The following KANK1 variants were observed in gnomAD, a reference collection of about 807,000 sequenced individuals.
The protein encoded by KANK1 is KN motif and ankyrin repeat domains 1.
KANK1 carries 109 observed loss-of-function variants against 106.2 expected under a neutral mutation model. That is an observed-to-expected ratio of 1.03 (90% CI 0.88 to 1.20). The LOEUF (loss-of-function observed/expected upper bound fraction) is 1.20. Ranked by LOEUF, KANK1 falls within the 50% of genes most tolerant of loss-of-function variation. The pLI is 0.00. For synonymous variants in KANK1, 873 were observed against 652.2 expected (o/e 1.34, Z -5.16); for missense variants, 2,399 against 1,710.7 (o/e 1.40, Z -7.10).
intron 1 of KANK1, among the ~76,000 whole-genome samples, chr9:658,304 G>A (rs545534061): frequency 6.6e-6 from 1 of 151,996 alleles, no homozygotes; most frequent in South Asian, 2.1e-4. Context: ...TTTTAACTTA[G>A]AAGAAAACCT....
intron 2 of KANK1, among the ~76,000 whole-genome samples, chr9:691,753 A>G (rs1189987739): frequency 5.4e-5 from 8 of 149,490 alleles, no homozygotes; most frequent in Non-Finnish European, 1.0e-4. Context: ...AACTGAGACT[A>G]CAGGGGCAAG....
chr9:553,844 T>C (rs1411434899), intron 1 of KANK1, among the ~76,000 whole-genome samples: 1 of 152,140 alleles, frequency 6.6e-6, no homozygotes, highest in Non-Finnish European at 1.5e-5. Flanking sequence ...TTAATGGAAA[T>C]TAAACCCAAA....
chr9:666,614 T>A (rs1353191236), intron 1 of KANK1, among the ~76,000 whole-genome samples: 1 of 152,134 alleles, frequency 6.6e-6, no homozygotes, highest in Non-Finnish European at 1.5e-5. Flanking sequence ...TGAGGTATGT[T>A]TCCTCTGTAC....
intron 1 of KANK1, among the ~76,000 whole-genome samples, chr9:505,653 G>A (rs2058719949): frequency 6.6e-6 from 1 of 152,250 alleles, no homozygotes; most frequent in African/African-American, 2.4e-5. Flanking sequence ...CCTAGTGAAG[G>A]CCTTGGGCGA....
intron 3 of KANK1, among the ~76,000 whole-genome samples, chr9:725,463 C>G (rs978831136): frequency 1.4e-5 from 2 of 147,260 alleles, no homozygotes; most frequent in Non-Finnish European, 1.5e-5. Context: ...ACAGCCCTCA[C>G]TCCAGCCTGG....
intron 1 of KANK1, among the ~76,000 whole-genome samples, chr9:587,823 T>C (rs1294305024): frequency 6.6e-6 from 1 of 152,170 alleles, no homozygotes; most frequent in East Asian, 1.9e-4. Flanking sequence ...GCCAGCACTT[T>C]AGGAGGCCAA....
intron 1 of KANK1, among the ~76,000 whole-genome samples, chr9:642,252 A>G (rs1310203874): frequency 6.6e-6 from 1 of 151,412 alleles, no homozygotes; most frequent in Admixed American, 6.6e-5. Context: ...GTCGTAGAAT[A>G]AATGAGTCTG....
chr9:528,951 C>T (rs1587537618), intron 1 of KANK1, among the ~76,000 whole-genome samples: 1 of 152,144 alleles, frequency 6.6e-6, no homozygotes, highest in East Asian at 1.9e-4. Context: ...AGGTGCATAC[C>T]ACCACGTCCA....
intron 2 of KANK1, among the ~76,000 whole-genome samples, chr9:694,973 A>C (rs1820881615): frequency 6.6e-6 from 1 of 152,172 alleles, no homozygotes; most frequent in Non-Finnish European, 1.5e-5. Flanking sequence ...TCTAGTCGAC[A>C]GTTACTCATA....
chr9:730,403 C>T (rs146672808), intron 4 of KANK1, 155 bp downstream of exon 4: 2 of 828,316 alleles, frequency 2.4e-6, no homozygotes, highest in African/African-American at 3.4e-5. Context: ...AATAAGGTTA[C>T]CAAAGAGGCC....
chr9:645,296 A>C (rs1294149216), intron 1 of KANK1, among the ~76,000 whole-genome samples: 1 of 147,986 alleles, frequency 6.8e-6, no homozygotes, highest in African/African-American at 2.6e-5. Context: ...AAAAATTAGC[A>C]AGCCATGGTG....
intron 1 of KANK1, among the ~76,000 whole-genome samples, chr9:623,197 G>A (rs764493914): frequency 8.6e-5 from 13 of 151,812 alleles, no homozygotes; most frequent in Non-Finnish European, 1.2e-4. Context: ...CGAGAAACTC[G>A]TACAACTCAA....
Position 712,623 on chromosome 9 carries a change from C to G in KANK1, c.1857C>G (p.Asn619Lys). The change falls in exon 3 of 12, where the codon AAC becomes AAG. Residue 619 changes from asparagine to lysine, a missense_variant. Physicochemically the swap from Asn to Lys is moderately conservative, Grantham distance 94 (BLOSUM62 0). Transcript: ENST00000382297. ...ACGACCTCACACTCCTCAAGACAAA[C>G]TTGAATCTCAAAGAAGTGCGGTCTA... The part of the protein sequence containing the change: ...SVNDLTLLKT[N>K]LNLKEVRSIG... The G allele has an allele frequency of 6.2e-7, 1 of 1,614,194 alleles. No individual in the cohort carries two copies. Among genetic ancestry groups the G allele is most frequent in the Non-Finnish European group, 8.5e-7 (1 of 1,180,040 alleles).
chr9:585,208 C>G (rs1048732098), intron 1 of KANK1, among the ~76,000 whole-genome samples: 4 of 152,204 alleles, frequency 2.6e-5, no homozygotes, highest in Non-Finnish European at 5.9e-5. Context: ...ACCCCTGGAG[C>G]TTCAACCATC....
At chr9:524,423 A>G (rs1287785638) in intron 1 of KANK1, among the ~76,000 whole-genome samples, 1 of 151,790 alleles carries the variant, frequency 6.6e-6, no homozygotes, top group Non-Finnish European at 1.5e-5. Context: ...CATTTATTAC[A>G]GAGATTTGTT....
At chr9:516,638 G>A (rs12343559) in intron 1 of KANK1, among the ~76,000 whole-genome samples, 31,358 of 151,262 alleles carry the variant, frequency 0.21, 4,719 homozygotes, top group African/African-American at 0.4. Context: ...GCGAAGTGCA[G>A]TGCAGAGACA....
chr9:529,848 T>C (rs919662231), intron 1 of KANK1, among the ~76,000 whole-genome samples: 5 of 152,246 alleles, frequency 3.3e-5, no homozygotes, highest in Admixed American at 2.6e-4. Context: ...TTCTCACAGA[T>C]GTTACTCCAG....
At chr9:689,412 C>T (rs962214896) in intron 2 of KANK1, among the ~76,000 whole-genome samples, 1 of 152,200 alleles carries the variant, frequency 6.6e-6, no homozygotes, top group African/African-American at 2.4e-5. Flanking sequence ...GGCACACCCT[C>T]CTCATGTGGA....
At chr9:725,686 T>A (rs1238149222) in intron 3 of KANK1, among the ~76,000 whole-genome samples, 1 of 152,144 alleles carries the variant, frequency 6.6e-6, no homozygotes, top group African/African-American at 2.4e-5. Context: ...AACTGCAGAA[T>A]GATCTCCTGG....
Sources: gnomAD v4.1 joint callset for allele counts (sites outside exome capture counted in the v4.1 genomes callset) on GRCh38, gnomAD v4.1.1 for gene constraint, MANE v1.5 for transcripts, NCBI Gene and HGNC (gene_info 2026-07-23, HGNC 2026-07-21) for gene names.